Variants in CHD4 observed in about 807,000 individuals in gnomAD.
CHD4 encodes chromodomain helicase DNA binding protein 4, also known as ATP-dependent chromatin remodeler CHD4.
A neutral mutation model predicts 235.5 loss-of-function variants in CHD4; 35 were observed. That is an observed-to-expected ratio of 0.15 (90% confidence interval 0.11 to 0.20). The LOEUF is 0.20. Ranked by LOEUF, CHD4 falls within the 10% of genes least tolerant of loss-of-function variation. The probability of loss-of-function intolerance (pLI) is 1.00; values close to 1 mark genes in which losing one functional copy is unlikely to be tolerated. For synonymous variants in CHD4, 900 were observed against 850.2 expected (o/e 1.06, Z -1.02); for missense variants, 1,329 against 2,432.3 (o/e 0.55, Z 9.54).
rs7316626 is a variant in CHD4 at position 6,582,286 on chromosome 12, G to A, written c.4371-5C>T. On this transcript the variant is annotated splice_region_variant and splice_polypyrimidine_tract_variant and intron_variant, in intron 29 of 39. Coordinates refer to ENST00000544040, the MANE Select transcript of CHD4 (RefSeq NM_001273.5). ...ATGAAAAGAGAGACATATGCCCTGTGTAAAGAAGTAGAGAAAGAGTTAAAT... is the reference window on the plus strand; with the variant it reads ...ATGAAAAGAGAGACATATGCCCTGTATAAAGAAGTAGAGAAAGAGTTAAAT... The A allele has an allele frequency of 0.17, 262,185 of 1,558,498 alleles. 25,768 individuals are homozygous for A. The highest frequency in any genetic ancestry group is 0.44 in the African/African-American group (31,621 of 72,036).
chr12:6,581,267 G>A, intron 32 of CHD4, 24 bp downstream of exon 32: 2 of 1,613,754 alleles, frequency 1.2e-6, no homozygotes, highest in South Asian at 1.1e-5. Flanking sequence ...CTTTAGTATG[G>A]CATTCAGTCA....
At chr12:6,599,427 G>A (rs1268212254) in intron 10 of CHD4, among the ~76,000 whole-genome samples, 2 of 151,842 alleles carry the variant, frequency 1.3e-5, no homozygotes, top group African/African-American at 2.4e-5. Flanking sequence ...ATGACAGAAT[G>A]AGACCCTGTC....
chr12:6,592,404 G>A lies in CHD4; in HGVS notation c.2937C>T (p.Ser979=), dbSNP rs758274687. 6.3e-7 allele frequency: 1 copy of A among 1,590,072 alleles called. No homozygotes were observed. Among genetic ancestry groups the A allele is most frequent in the Non-Finnish European group, 8.6e-7 (1 of 1,165,034 alleles). Residue 979 remains serine, a synonymous_variant, in exon 19 of 40, where the codon AGC becomes AGT. Transcript: ENST00000544040. ...CCCTCCCAACTCACTTCTGCATAGG[G>A]CTCAGCTCCACACGCACAATTAGTT... is the stretch of plus-strand genomic sequence containing the variant. ...KTELIVRVEL[S]PMQKKYYKYI... is the part of the protein sequence containing the mutation.
At chr12:6,602,252 G>A in intron 3 of CHD4, 77 bp from the exon 4 acceptor site, 2 of 1,598,294 alleles carry the variant, frequency 1.3e-6, no homozygotes, top group East Asian at 2.2e-5. Flanking sequence ...ACAGCCCTGA[G>A]GCTCATCCCC....
intron 29 of CHD4, 136 bp from the exon 30 acceptor site, chr12:6,582,417 G>T: frequency 7.6e-7 from 1 of 1,313,958 alleles, no homozygotes; most frequent in Non-Finnish European, 1.0e-6. Flanking sequence ...TGCACGGGAA[G>T]GCTGATCTCT....
intron 33 of CHD4, chr12:6,580,354 C>G (rs1247354518): frequency 6.6e-6 from 1 of 152,216 alleles, no homozygotes; most frequent in Non-Finnish European, 1.5e-5. Context: ...CCTGATATCT[C>G]TACAGCCCCA....
At chr12:6,599,186 C>T (rs1311567836) in intron 10 of CHD4, among the ~76,000 whole-genome samples, 1 of 152,162 alleles carries the variant, frequency 6.6e-6, no homozygotes, top group African/African-American at 2.4e-5. Flanking sequence ...AATGCCAGCA[C>T]TTAATGAGGA....
At chr12:6,570,778 C>T in intron 39 of CHD4, 85 bp from the exon 40 acceptor site, 1 of 1,611,262 alleles carries the variant, frequency 6.2e-7, no homozygotes, top group East Asian at 2.2e-5. Flanking sequence ...GGCCACCCAC[C>T]CAGTATGTAA....
intron 11 of CHD4, 30 bp downstream of exon 11, chr12:6,598,192 C>A (rs763493841): frequency 1.2e-6 from 2 of 1,609,138 alleles, no homozygotes; most frequent in Non-Finnish European, 1.7e-6. Flanking sequence ...TCATCGTAGC[C>A]CCTACATCTC....
At chr12:6,602,644 T>C in intron 2 of CHD4, 147 bp from the exon 3 acceptor site, 1 of 1,134,032 alleles carries the variant, frequency 8.8e-7, no homozygotes, top group Non-Finnish European at 1.2e-6. Flanking sequence ...AGGAGGAAGC[T>C]GATACCCAGG....
At chr12:6,588,453 G>T (rs776446521) in intron 22 of CHD4, 31 bp from the exon 23 acceptor site, 2 of 1,608,974 alleles carry the variant, frequency 1.2e-6, no homozygotes, top group African/African-American at 1.3e-5. Context: ...ACCATTAGAA[G>T]TGTCTCCTAA....
chr12:6,596,660 C>T (rs1370457122), intron 12 of CHD4, among the ~76,000 whole-genome samples: 1 of 151,978 alleles, frequency 6.6e-6, no homozygotes, highest in African/African-American at 2.4e-5. Context: ...ATTAGCCGGG[C>T]ATGGTGGCAG....
intron 29 of CHD4, 134 bp downstream of exon 29, chr12:6,582,481 T>A: frequency 7.2e-7 from 1 of 1,391,696 alleles, no homozygotes; most frequent in Non-Finnish European, 9.8e-7. Context: ...AACACATTAC[T>A]AACAGCTTCA....
rs1337546480 is a variant in CHD4, at chr12:6,582,804, C to G, written c.4236+44G>C. 4 of 1,613,888 alleles carry G rather than the reference C, an allele frequency of 2.5e-6. No homozygotes were observed. The African/African-American group carries it at 5.3e-5, about 22-fold the overall frequency. On this transcript the variant is annotated intron_variant, in intron 28 of 39. Coordinates refer to ENST00000544040, the MANE Select transcript of CHD4 (RefSeq NM_001273.5). ...AGCAGGTCGCATTCCACCAAAGATG[C>G]AATATCTGACACTCACCCCTCCTTA...
chr12:6,583,679 T>C (rs533986611), intron 25 of CHD4: 19 of 292,080 alleles, frequency 6.5e-5, no homozygotes, highest in African/African-American at 2.2e-4. Context: ...GCATATACAA[T>C]TGAAAGATAG....
rs1344047978 is a variant in CHD4, at chr12:6,593,897, G to A, written c.2314-281C>T. ...GTTGCCCAGGCTGGAGTGCAATGGC[G>A]CAATCTCAGCTCACTGCAACCTCCA... is the stretch of plus-strand genomic sequence containing the variant. On this transcript the variant is annotated intron_variant, in intron 15 of 39. Coordinates refer to ENST00000544040, the MANE Select transcript of CHD4 (RefSeq NM_001273.5). This position sits in a 1 kb window ranked among gnomAD's most constrained non-coding sequence, Gnocchi z 4.9. Among the ~76,000 whole-genome samples the A allele has an allele frequency of 3.9e-5, 6 of 152,056 alleles. No individual in the cohort carries two copies. The highest frequency in any genetic ancestry group is 7.4e-5 in the Non-Finnish European group (5 of 68,010).
rs1037971580 is a variant in CHD4, at chr12:6,593,843, CT to C, written c.2314-228del. Among the ~76,000 whole-genome samples the C allele has an allele frequency of 8.5e-5, 13 of 152,058 alleles. No individual in the cohort carries two copies. The highest frequency in any genetic ancestry group is 1.3e-4 in the Non-Finnish European group (9 of 67,980). ...ACCTCTCCCATTAAGTCTTTATATACTTTTTTTCTGAGACGGAGTTTCACTC... is the reference window on the plus strand; with the variant it reads ...ACCTCTCCCATTAAGTCTTTATATACTTTTTTCTGAGACGGAGTTTCACTC... On this transcript the variant is annotated intron_variant, in intron 15 of 39. Transcript: ENST00000544040. The surrounding 1 kb of genome is among the most constrained non-coding windows in gnomAD (Gnocchi z 4.9).
intron 22 of CHD4, among the ~76,000 whole-genome samples, chr12:6,588,967 G>A (rs143714564): frequency 1.3e-4 from 20 of 152,122 alleles, no homozygotes; most frequent in Non-Finnish European, 2.9e-4. Flanking sequence ...GTCAGAATAG[G>A]CCAGGTGCAG....
At chr12:6,587,669 A>G (rs748328749) in intron 24 of CHD4, 43 bp downstream of exon 24, 1 of 1,608,150 alleles carries the variant, frequency 6.2e-7, no homozygotes. Flanking sequence ...ACCTTTAGAG[A>G]GGCCAAGCCC....
Sources: allele counts gnomAD v4.1 joint callset (sites outside exome capture counted in the v4.1 genomes callset), GRCh38; gene constraint gnomAD v4.1.1; non-coding constraint Gnocchi (gnomAD v3.1); transcripts MANE v1.5; gene names NCBI Gene and HGNC (gene_info 2026-07-23, HGNC 2026-07-21).